Variants in WNT2 observed in about 807,000 individuals in gnomAD.
WNT2 encodes protein Wnt-2.
Under a neutral mutation model 36.9 loss-of-function variants are expected in WNT2, and 12 were observed. The ratio of observed to expected loss-of-function variants is 0.33; its 90% CI spans 0.21 to 0.53. WNT2 has a LOEUF of 0.53. WNT2 is among the 20% of genes least tolerant of loss of function. The pLI, the probability that WNT2 is intolerant of heterozygous loss-of-function variation, is 0.95. For missense variants in WNT2, 379 were observed against 473.1 expected, an observed-to-expected ratio of 0.80 and a Z score of 1.84; for synonymous variants, 163 against 174.6, an observed-to-expected ratio of 0.93 and a Z score of 0.52.
chr7:117,293,507 C>A (rs1794730492), intron 4 of WNT2, among the ~76,000 whole-genome samples: 1 of 152,104 alleles, frequency 6.6e-6, no homozygotes, highest in South Asian at 2.1e-4. Flanking sequence ...ACAAAATAAC[C>A]ACAACGAAGT....
chr7:117,305,936 G>A (rs974641700), intron 3 of WNT2, among the ~76,000 whole-genome samples: 9 of 152,122 alleles, frequency 5.9e-5, no homozygotes, highest in African/African-American at 2.2e-4. Flanking sequence ...GGAGGGGTTG[G>A]GGTTCCCTAT....
In WNT2 at chr7:117,284,115, A is replaced by G. The variant is rs759418338; in HGVS notation, c.854-5731T>C. ...ATCTAATGACAGGCTGTAGGGCAGA[A>G]GGGCAGTTTTGACACTTGCTGTCAT... On this transcript the variant is annotated intron_variant, in intron 4 of 4. Coordinates refer to ENST00000265441, the MANE Select transcript of WNT2 (RefSeq NM_003391.3). The surrounding 1 kb of genome is among the most constrained non-coding windows in gnomAD (Gnocchi z 5.2). 2.1e-4 allele frequency among the ~76,000 whole-genome samples: 32 copies of G among 152,340 alleles called. No individual in the cohort carries two copies. The highest frequency in any genetic ancestry group is 8.3e-4 in the South Asian group (4 of 4,830).
chr7:117,299,494 CTTT>C (rs113776491), intron 3 of WNT2, among the ~76,000 whole-genome samples: 7 of 138,822 alleles, frequency 5.0e-5, no homozygotes, highest in Non-Finnish European at 4.7e-5. Flanking sequence ...TTCTTTCTTT[CTTT>C]TTTTTTTTTT....
At chr7:117,314,119 A>G (rs1795171227) in intron 3 of WNT2, among the ~76,000 whole-genome samples, 1 of 152,198 alleles carries the variant, frequency 6.6e-6, no homozygotes, top group Non-Finnish European at 1.5e-5. Flanking sequence ...GATAAAAGAC[A>G]AATTATCGTT....
At chr7:117,305,952 CAA>C (rs767237095) in intron 3 of WNT2, among the ~76,000 whole-genome samples, 27 of 152,194 alleles carry the variant, frequency 1.8e-4, no homozygotes, top group Non-Finnish European at 3.8e-4. Flanking sequence ...CCTATTCCAT[CAA>C]TGGAATTTTC....
At chr7:117,313,450 T>G (rs1204322832) in intron 3 of WNT2, among the ~76,000 whole-genome samples, 1 of 152,228 alleles carries the variant, frequency 6.6e-6, no homozygotes, top group Non-Finnish European at 1.5e-5. Context: ...TGAAGAATCA[T>G]GTGATTTACA....
chr7:117,278,044 G>A lies in WNT2; in HGVS notation c.*111C>T. The A allele has an allele frequency of 7.8e-7, 1 of 1,288,070 alleles. No homozygotes were observed. The highest frequency in any genetic ancestry group is 1.4e-5 in the South Asian group (1 of 71,380). The allele number at this position is 1,288,070 out of a possible 1,614,324, so 79.8% of individuals were successfully genotyped here. On this transcript the variant is annotated 3_prime_UTR_variant, in exon 5 of 5. Coordinates refer to ENST00000265441, the MANE Select transcript of WNT2 (RefSeq NM_003391.3). ...AAGAGGGGGCTTCCGTTGAGATAAA[G>A]GCCACATGCCTTAGGAAATATCCCC...
chr7:117,286,073 C>T (rs191619744), intron 4 of WNT2, among the ~76,000 whole-genome samples: 1 of 152,114 alleles, frequency 6.6e-6, no homozygotes, highest in Admixed American at 6.5e-5. Context: ...CTTTTGCTTG[C>T]CCATATGTGT....
Position 117,322,959 on chromosome 7 carries a change from A to T in WNT2, c.31T>A (p.Trp11Arg). 1 of 1,613,016 alleles carries T rather than the reference A, an allele frequency of 6.2e-7. No homozygotes were observed. Among genetic ancestry groups the T allele is most frequent in the African/African-American group, 1.3e-5 (1 of 74,816 alleles). ...AGCCAGGTCAAGAGCAGAGGGAGCC[A>T]GAGCCAGATTCCACCGAGAGGGGCG... Reference protein sequence around the residue: MNAPLGGIWLWLPLLLTWLTP... With the variant: MNAPLGGIWLRLPLLLTWLTP... Residue 11 changes from tryptophan to arginine, a missense_variant, in exon 1 of 5, where the codon TGG becomes AGG. By Grantham distance (101) the Trp-to-Arg change is moderately radical. Coordinates refer to ENST00000265441, the MANE Select transcript of WNT2 (RefSeq NM_003391.3). This position sits in a 1 kb window ranked among gnomAD's most constrained non-coding sequence, Gnocchi z 5.4.
chr7:117,318,402 G>A (rs1795260095), intron 2 of WNT2, among the ~76,000 whole-genome samples: 1 of 152,158 alleles, frequency 6.6e-6, no homozygotes. Flanking sequence ...GAGGGAACCT[G>A]GCCTTCTGTG....
intron 2 of WNT2, among the ~76,000 whole-genome samples, chr7:117,319,160 C>T (rs1401654961): frequency 6.6e-6 from 1 of 152,186 alleles, no homozygotes; most frequent in African/African-American, 2.4e-5. Context: ...TTTGCAAACT[C>T]TCTTTAACAA....
chr7:117,295,781 G>A (rs1031528357), intron 4 of WNT2, among the ~76,000 whole-genome samples: 4 of 152,222 alleles, frequency 2.6e-5, no homozygotes, highest in Admixed American at 2.0e-4. Context: ...CGGTGAGATC[G>A]TGAGCAGGTC....
At chr7:117,321,060 G>A (rs1406545766) in intron 1 of WNT2, among the ~76,000 whole-genome samples, 1 of 152,200 alleles carries the variant, frequency 6.6e-6, no homozygotes. Flanking sequence ...ACCAGATGAT[G>A]CTCTGGGCAG....
intron 4 of WNT2, among the ~76,000 whole-genome samples, chr7:117,281,276 C>T (rs1274435069): frequency 6.6e-6 from 1 of 152,152 alleles, no homozygotes; most frequent in African/African-American, 2.4e-5. Context: ...CTCACTCTGT[C>T]ACCCAGGCTT....
chr7:117,320,085 G>A (rs369172050), intron 2 of WNT2, among the ~76,000 whole-genome samples: 28 of 152,358 alleles, frequency 1.8e-4, no homozygotes, highest in East Asian at 9.7e-4. Flanking sequence ...GTGAAAAGTG[G>A]TGAGTAGAGA....
intron 3 of WNT2, among the ~76,000 whole-genome samples, chr7:117,307,881 T>G (rs1795042164): frequency 6.6e-6 from 1 of 152,220 alleles, no homozygotes. Flanking sequence ...TTATTTTAGG[T>G]CCCCATATAC....
chr7:117,280,266 A>G (rs1215495914), intron 4 of WNT2, among the ~76,000 whole-genome samples: 1 of 152,220 alleles, frequency 6.6e-6, no homozygotes, highest in Admixed American at 6.5e-5. Flanking sequence ...CCAGGCAGCC[A>G]TCAGGACAGT....
chr7:117,299,028 C>T lies in WNT2; in HGVS notation c.589-1152G>A, dbSNP rs529305266. ...AATTTATCCTCCTCAGCACGAGCCA[C>T]CCCTGGAGGGCAAGGATGGAGAAGT... On this transcript the variant is annotated intron_variant, in intron 3 of 4. Coordinates refer to ENST00000265441, the MANE Select transcript of WNT2 (RefSeq NM_003391.3). Among the ~76,000 whole-genome samples the T allele has an allele frequency of 1.1e-4, 17 of 151,976 alleles. No individual in the cohort carries two copies. The East Asian group carries it at 2.1e-3, about 19-fold the overall frequency.
At chr7:117,311,234 T>C (rs1313705941) in intron 3 of WNT2, among the ~76,000 whole-genome samples, 2 of 152,176 alleles carry the variant, frequency 1.3e-5, no homozygotes, top group Admixed American at 6.5e-5. Flanking sequence ...TACACATTCA[T>C]TTTAGAAAAT....
Sources: allele counts gnomAD v4.1 joint callset (sites outside exome capture counted in the v4.1 genomes callset), GRCh38; gene constraint gnomAD v4.1.1; non-coding constraint Gnocchi (gnomAD v3.1); transcripts MANE v1.5; gene names NCBI Gene and HGNC (gene_info 2026-07-23, HGNC 2026-07-21).